Variants in RIMS2 observed in about 807,000 individuals in gnomAD.
RIMS2 encodes the protein regulating synaptic membrane exocytosis protein 2.
A neutral mutation model predicts 174.4 loss-of-function variants in RIMS2; 59 were observed. That is an observed-to-expected ratio of 0.34 (90% confidence interval 0.27 to 0.42). RIMS2 has a LOEUF of 0.42. Among genes scored for constraint, RIMS2 ranks in the 10% least tolerant of loss-of-function variants. The probability of loss-of-function intolerance (pLI) is 1.00; values close to 1 mark genes in which losing one functional copy is unlikely to be tolerated. For synonymous variants in RIMS2, 606 were observed against 572.5 expected (o/e 1.06, Z -0.84); for missense variants, 1,620 against 1,666.3 (o/e 0.97, Z 0.48).
intron 16 of RIMS2, among the ~76,000 whole-genome samples, chr8:103,985,917 G>A (rs2094326232): frequency 6.6e-6 from 1 of 152,108 alleles, no homozygotes. Flanking sequence ...CTAAAAAGTT[G>A]CAGTTTCTGA....
rs1456016278 is a variant in RIMS2 at position 104,223,667 on chromosome 8, T to C, written c.3335-21249T>C. The C allele has an allele frequency of 2.5e-6, 4 of 1,591,106 alleles. No homozygotes were observed. The East Asian group carries it at 9.0e-5, about 36-fold the overall frequency. On this transcript the variant is annotated intron_variant, in intron 19 of 23. Transcript: ENST00000504942. ...CTCGTCCAAGATGGGCCGGCAGGGC[T>C]TGGGGGGTGCCAGCGCTGCGGGGCG...
At chr8:104,153,120 A>C (rs1278571370) in intron 19 of RIMS2, among the ~76,000 whole-genome samples, 4 of 152,168 alleles carry the variant, frequency 2.6e-5, no homozygotes, top group Non-Finnish European at 5.9e-5. Context: ...TGACCAACAC[A>C]CATAGAGGCT....
intron 2 of RIMS2, among the ~76,000 whole-genome samples, chr8:103,745,853 C>G (rs1190453121): frequency 6.6e-6 from 1 of 152,094 alleles, no homozygotes; most frequent in Non-Finnish European, 1.5e-5. Flanking sequence ...GGATGCCAGA[C>G]CCTTATCAGA....
chr8:103,992,738 A>G (rs2094809785), intron 17 of RIMS2, among the ~76,000 whole-genome samples: 2 of 152,146 alleles, frequency 1.3e-5, no homozygotes, highest in African/African-American at 2.4e-5. Flanking sequence ...TCAAAATCCT[A>G]TTCTGCTTTG....
chr8:104,086,568 T>G (rs1243374038), intron 19 of RIMS2, among the ~76,000 whole-genome samples: 1 of 152,098 alleles, frequency 6.6e-6, no homozygotes, highest in Non-Finnish European at 1.5e-5. Context: ...CTGGCAATAA[T>G]TCTTCCTCTG....
At chr8:103,707,929 G>C (rs1263210309) in intron 2 of RIMS2, among the ~76,000 whole-genome samples, 1 of 152,200 alleles carries the variant, frequency 6.6e-6, no homozygotes, top group Non-Finnish European at 1.5e-5. Flanking sequence ...TGGGAGCTTT[G>C]GGATCCTGCC....
At chr8:103,599,744 C>A (rs1588641841) in intron 1 of RIMS2, among the ~76,000 whole-genome samples, 1 of 152,078 alleles carries the variant, frequency 6.6e-6, no homozygotes, top group Middle Eastern at 3.4e-3. Context: ...GCCACTGTAC[C>A]TGGTCATTTT....
intron 9 of RIMS2, among the ~76,000 whole-genome samples, chr8:103,919,575 G>T (rs1272346668): frequency 2.0e-5 from 3 of 151,878 alleles, no homozygotes; most frequent in Non-Finnish European, 2.9e-5. Flanking sequence ...GGCTAATCTA[G>T]TGGCAAGATA....
chr8:104,158,347 G>T lies in RIMS2; in HGVS notation c.3335-86569G>T, dbSNP rs185313937. ...AGTCTTTGCTATTGTGAATAGTGCC[G>T]CAATAAACATATGTGTGCGTGTGTC... is the stretch of plus-strand genomic sequence containing the variant. On this transcript the variant is annotated intron_variant, in intron 19 of 23. Coordinates refer to ENST00000504942, the Ensembl canonical transcript of RIMS2. Among the ~76,000 whole-genome samples, 70 of 152,122 alleles carry T rather than the reference G, an allele frequency of 4.6e-4. 1 individual carries two copies. In the South Asian group the frequency reaches 0.014, roughly 31 times the overall value.
At chr8:104,136,887 C>CA (rs1325945299) in intron 19 of RIMS2, among the ~76,000 whole-genome samples, 1 of 152,102 alleles carries the variant, frequency 6.6e-6, no homozygotes, top group Non-Finnish European at 1.5e-5. Context: ...ATCTGTGCAA[C>CA]AAACCCCTGT....
At chr8:103,932,300 G>C (rs2080136879) in intron 12 of RIMS2, among the ~76,000 whole-genome samples, 1 of 152,212 alleles carries the variant, frequency 6.6e-6, no homozygotes, top group Non-Finnish European at 1.5e-5. Context: ...AGTCAAGGTT[G>C]AGTTGGGTAC....
intron 19 of RIMS2, among the ~76,000 whole-genome samples, chr8:104,018,826 T>G (rs945695607): frequency 2.6e-5 from 4 of 152,214 alleles, no homozygotes; most frequent in African/African-American, 7.2e-5. Context: ...AATTACAGGC[T>G]TCTCTTCTTC....
At chr8:104,165,457 G>T (rs1305496420) in intron 19 of RIMS2, among the ~76,000 whole-genome samples, 1 of 151,464 alleles carries the variant, frequency 6.6e-6, no homozygotes, top group African/African-American at 2.4e-5. Flanking sequence ...GGGAAAAATT[G>T]TAAAATGTCA....
rs755605525 is a variant in RIMS2 at position 104,251,016 on chromosome 8, T to C, written c.3692-8T>C. On this transcript the variant is annotated splice_region_variant and splice_polypyrimidine_tract_variant and intron_variant, in intron 22 of 23. Coordinates refer to ENST00000504942, the Ensembl canonical transcript of RIMS2. ...TTGCTCATTCTCCTCTGTGTTTTCTTTCCCAAGCACCGTATGTAAAAGTGT... is the reference window on the plus strand; with the variant it reads ...TTGCTCATTCTCCTCTGTGTTTTCTCTCCCAAGCACCGTATGTAAAAGTGT... 6.2e-7 allele frequency: 1 copy of C among 1,610,424 alleles called. No homozygotes were observed. Among genetic ancestry groups the C allele is most frequent in the Non-Finnish European group, 8.5e-7 (1 of 1,177,940 alleles).
At chr8:103,736,862 T>C (rs1446229469) in intron 2 of RIMS2, among the ~76,000 whole-genome samples, 1 of 152,160 alleles carries the variant, frequency 6.6e-6, no homozygotes, top group Non-Finnish European at 1.5e-5. Context: ...AACAGAATCT[T>C]ATAGACCTTT....
intron 19 of RIMS2, among the ~76,000 whole-genome samples, chr8:104,221,984 T>A (rs1266669033): frequency 6.6e-6 from 1 of 152,178 alleles, no homozygotes; most frequent in Non-Finnish European, 1.5e-5. Context: ...TCAGGGCCTT[T>A]GCACTAGAGG....
rs562310076 is a variant in RIMS2, at chr8:104,246,903, G to T, written c.3477-1798G>T. Among the ~76,000 whole-genome samples, 43 of 152,196 alleles carry T rather than the reference G, an allele frequency of 2.8e-4. 1 individual carries two copies. In the South Asian group the frequency reaches 8.5e-3, roughly 30 times the overall value. On this transcript the variant is annotated intron_variant, in intron 20 of 23. Transcript: ENST00000504942. ...AGACTTTATGTATTGTAAGGACTTT[G>T]CTTTTACTGAGTGGGATGAGAAGAT...
chr8:103,683,993 G>T (rs1235351483), intron 1 of RIMS2, among the ~76,000 whole-genome samples: 1 of 152,150 alleles, frequency 6.6e-6, no homozygotes, highest in Non-Finnish European at 1.5e-5. Flanking sequence ...GTAGATATAA[G>T]GACTCCTGGA....
chr8:103,508,449 T>C (rs1174419021), intron 1 of RIMS2, among the ~76,000 whole-genome samples: 4 of 87,112 alleles, frequency 4.6e-5, no homozygotes, highest in African/African-American at 1.5e-4. Context: ...CCAAAACCTT[T>C]CATTTGTTAA....
Sources: allele counts gnomAD v4.1 joint callset (sites outside exome capture counted in the v4.1 genomes callset), GRCh38; gene constraint gnomAD v4.1.1; transcripts MANE v1.5; gene names NCBI Gene and HGNC (gene_info 2026-07-23, HGNC 2026-07-21).